The following DLG2 variants were observed in gnomAD, a reference collection of about 807,000 sequenced individuals.
The protein encoded by DLG2 is discs large MAGUK scaffold protein 2.
DLG2 carries 45 observed loss-of-function variants against 132.5 expected under a neutral mutation model. That is an observed-to-expected ratio of 0.34 (90% confidence interval 0.27 to 0.44). The LOEUF is 0.44. DLG2 is among the 20% of genes least tolerant of loss of function. The probability of loss-of-function intolerance (pLI) is 1.00; values close to 1 mark genes in which losing one functional copy is unlikely to be tolerated. For synonymous variants in DLG2, 424 were observed against 419.6 expected (o/e 1.01, Z -0.13); for missense variants, 1,045 against 1,196.9 (o/e 0.87, Z 1.87).
chr11:84,373,119 T>G (rs1361493693), intron 7 of DLG2, among the ~76,000 whole-genome samples: 1 of 151,590 alleles, frequency 6.6e-6, no homozygotes, highest in East Asian at 1.9e-4. Flanking sequence ...GAGTCCTAAA[T>G]GTGAACTTTT....
chr11:85,384,779 G>T (rs144122305), intron 3 of DLG2, among the ~76,000 whole-genome samples: 1 of 152,046 alleles, frequency 6.6e-6, no homozygotes, highest in Non-Finnish European at 1.5e-5. Context: ...TGTTGGCCAG[G>T]CTGGTCTCAA....
intron 4 of DLG2, among the ~76,000 whole-genome samples, chr11:85,233,562 A>G (rs2075414298): frequency 6.6e-6 from 1 of 151,856 alleles, no homozygotes; most frequent in Non-Finnish European, 1.5e-5. Flanking sequence ...GAGAATTCTA[A>G]AAGTTTTGTC....
chr11:85,159,691 A>G (rs1357652696), intron 4 of DLG2, among the ~76,000 whole-genome samples: 1 of 152,220 alleles, frequency 6.6e-6, no homozygotes, highest in Non-Finnish European at 1.5e-5. Flanking sequence ...GGTACCTGCT[A>G]TGCAGCCATT....
chr11:84,513,744 G>GA (rs1003094182), intron 7 of DLG2, among the ~76,000 whole-genome samples: 45 of 150,674 alleles, frequency 3.0e-4, no homozygotes, highest in African/African-American at 1.1e-3. Flanking sequence ...AGAAAACATT[G>GA]AAAAAAACCA....
intron 15 of DLG2, among the ~76,000 whole-genome samples, chr11:83,886,568 G>C (rs1002977093): frequency 6.6e-6 from 1 of 152,190 alleles, no homozygotes; most frequent in South Asian, 2.1e-4. Context: ...GGATACCCAG[G>C]AATTGAACTC....
chr11:84,913,134 A>T (rs1345777895), intron 6 of DLG2, among the ~76,000 whole-genome samples: 1 of 152,174 alleles, frequency 6.6e-6, no homozygotes, highest in Non-Finnish European at 1.5e-5. Context: ...AAATGATTTC[A>T]ATGTTTTCAA....
Position 85,261,843 on chromosome 11 carries a change from C to T in DLG2, c.186+23377G>A, listed in dbSNP as rs75245545. Among the ~76,000 whole-genome samples the T allele has an allele frequency of 9.1e-4, 139 of 152,128 alleles. 3 individuals carry two copies. The East Asian group carries it at 0.025, about 27-fold the overall frequency. On this transcript the variant is annotated intron_variant, in intron 4 of 27. Transcript: ENST00000376104. ...ATAAGGAGGCGGCCCTTAAAAGTGA[C>T]ATCAAGGTTGGGCTATCAGGGGGAA...
chr11:83,565,458 G>C (rs2096690560), intron 19 of DLG2, among the ~76,000 whole-genome samples: 2 of 152,320 alleles, frequency 1.3e-5, no homozygotes, highest in South Asian at 4.1e-4. Flanking sequence ...TAAAACGTCA[G>C]TAACTTGAAT....
At chr11:85,360,327 G>T (rs912059223) in intron 3 of DLG2, among the ~76,000 whole-genome samples, 1 of 152,118 alleles carries the variant, frequency 6.6e-6, no homozygotes, top group Non-Finnish European at 1.5e-5. Flanking sequence ...TTGTGCTTCC[G>T]TTTCCTCACC....
chr11:84,457,615 T>C (rs1017414116), intron 7 of DLG2, among the ~76,000 whole-genome samples: 6 of 151,004 alleles, frequency 4.0e-5, no homozygotes, highest in African/African-American at 1.5e-4. Flanking sequence ...CATATTTCTC[T>C]TATTTCCCTG....
At chr11:85,561,372 CTG>C (rs1423954427) in intron 3 of DLG2, among the ~76,000 whole-genome samples, 1 of 96,884 alleles carries the variant, frequency 1.0e-5, no homozygotes, top group Non-Finnish European at 2.1e-5. Context: ...AAAAAAATAG[CTG>C]TGTAAACTTT....
intron 6 of DLG2, among the ~76,000 whole-genome samples, chr11:85,087,863 A>AAAAAAAAAAAAAT: frequency 6.7e-6 from 1 of 148,868 alleles, no homozygotes; most frequent in Non-Finnish European, 1.5e-5. Flanking sequence ...AAAAAAAAAA[A>AAAAAAAAAAAAAT]AAAAAACAGA....
At chr11:84,148,758 G>A (rs1408522887) in intron 9 of DLG2, among the ~76,000 whole-genome samples, 1 of 151,966 alleles carries the variant, frequency 6.6e-6, no homozygotes, top group African/African-American at 2.4e-5. Context: ...TGGGTGAAAA[G>A]GTAGTTCAAC....
At chr11:84,918,518 G>A (rs897864377) in intron 6 of DLG2, among the ~76,000 whole-genome samples, 7 of 152,236 alleles carry the variant, frequency 4.6e-5, no homozygotes, top group South Asian at 2.1e-4. Context: ...GAAAATGATC[G>A]GGGCAGAGAG....
At chr11:85,450,716 G>A (rs757243720) in intron 3 of DLG2, among the ~76,000 whole-genome samples, 22 of 151,844 alleles carry the variant, frequency 1.4e-4, no homozygotes, top group African/African-American at 2.2e-4. Context: ...GAAACTATTC[G>A]CACAAAGATA....
intron 19 of DLG2, among the ~76,000 whole-genome samples, chr11:83,606,199 G>A (rs561540546): frequency 1.3e-5 from 2 of 152,260 alleles, no homozygotes; most frequent in Admixed American, 6.5e-5. Flanking sequence ...AGGTTAAAAG[G>A]TAGTCAGTAT....
chr11:83,588,482 G>A (rs2097131638), intron 19 of DLG2, among the ~76,000 whole-genome samples: 1 of 152,122 alleles, frequency 6.6e-6, no homozygotes, highest in Admixed American at 6.5e-5. Context: ...AAACCCATCT[G>A]TACATCACCA....
At chr11:83,596,656 T>A (rs1220702621) in intron 19 of DLG2, among the ~76,000 whole-genome samples, 1 of 152,196 alleles carries the variant, frequency 6.6e-6, no homozygotes, top group Admixed American at 6.5e-5. Flanking sequence ...TTACATGATA[T>A]TCAAGATTCC....
intron 6 of DLG2, among the ~76,000 whole-genome samples, chr11:84,559,233 T>C (rs1281124460): frequency 2.0e-5 from 3 of 152,148 alleles, no homozygotes; most frequent in African/African-American, 7.2e-5. Context: ...ATTACTGTTG[T>C]CATTATAACA....
Sources: allele counts gnomAD v4.1 joint callset (sites outside exome capture counted in the v4.1 genomes callset), GRCh38; gene constraint gnomAD v4.1.1; transcripts MANE v1.5; gene names NCBI Gene and HGNC (gene_info 2026-07-23, HGNC 2026-07-21).